TBC1D5: variants seen among roughly 807,000 people sequenced by gnomAD.
The protein encoded by TBC1D5 is TBC1 domain family member 5.
TBC1D5 carries 75 observed loss-of-function variants against 100.3 expected under a neutral mutation model. That is an observed-to-expected ratio of 0.75 (90% CI 0.62 to 0.91). TBC1D5 has a LOEUF of 0.91. Among genes scored for constraint, TBC1D5 ranks in the 40% least tolerant of loss-of-function variants. TBC1D5 has a pLI of 0.00. For synonymous variants in TBC1D5, 323 were observed against 325.6 expected, an observed-to-expected ratio of 0.99 and a Z score of 0.09; for missense variants, 910 against 942.4, an observed-to-expected ratio of 0.97 and a Z score of 0.45.
At chr3:17,185,251 T>A in intron 18 of TBC1D5, 43 bp from the exon 20 acceptor site, 1 of 1,536,998 alleles carries the variant, frequency 6.5e-7, no homozygotes. Context: ...TTAGAGATTG[T>A]CAAATAAAAT....
chr3:17,711,113 T>C (rs2074690698), intron 1 of TBC1D5, among the ~76,000 whole-genome samples: 2 of 152,304 alleles, frequency 1.3e-5, no homozygotes, highest in East Asian at 1.9e-4. Context: ...AAAATGATAC[T>C]AGAGTTTGGC....
exon 22 of TBC1D5, chr3:17,158,344 A>AAAC (rs1291540599): frequency 6.6e-6 from 1 of 152,198 alleles, no homozygotes; most frequent in Non-Finnish European, 1.5e-5. Flanking sequence ...TTTGTTAACA[A>AAAC]AACACAATAT....
intron 1 of TBC1D5, among the ~76,000 whole-genome samples, chr3:17,659,244 A>G (rs2066416319): frequency 6.6e-6 from 1 of 152,210 alleles, no homozygotes; most frequent in African/African-American, 2.4e-5. Flanking sequence ...ACATGGATCT[A>G]TGTGCTCACA....
chr3:17,444,623 G>A (rs1378513137), intron 3 of TBC1D5, among the ~76,000 whole-genome samples: 1 of 151,830 alleles, frequency 6.6e-6, no homozygotes, highest in Non-Finnish European at 1.5e-5. Context: ...TGATCAAAAA[G>A]TATTAACAAA....
chr3:17,339,033 A>C (rs989636294), intron 13 of TBC1D5, among the ~76,000 whole-genome samples: 1 of 152,340 alleles, frequency 6.6e-6, no homozygotes, highest in South Asian at 2.1e-4. Flanking sequence ...GGTGGCAAGC[A>C]GTTAATTCAT....
At chr3:17,384,821 T>G (rs1559771346) in intron 8 of TBC1D5, among the ~76,000 whole-genome samples, 1 of 151,866 alleles carries the variant, frequency 6.6e-6, no homozygotes, top group East Asian at 1.9e-4. Context: ...AGCAGGACAG[T>G]GGGATAGAAG....
chr3:17,166,968 TGA>T (rs893129914), intron 20 of TBC1D5, 40 bp from the exon 22 acceptor site: 24 of 1,556,822 alleles, frequency 1.5e-5, no homozygotes, highest in Non-Finnish European at 2.0e-5. Context: ...AAAAAATGGA[TGA>T]GTTTGTTTTC....
chr3:17,370,951 T>C (rs1382617023), intron 13 of TBC1D5, among the ~76,000 whole-genome samples: 3 of 152,310 alleles, frequency 2.0e-5, no homozygotes, highest in African/African-American at 7.2e-5. Flanking sequence ...TACATATAAA[T>C]GTTCTACTAT....
chr3:17,235,846 G>T (rs1336805889), intron 17 of TBC1D5, among the ~76,000 whole-genome samples: 3 of 151,886 alleles, frequency 2.0e-5, no homozygotes, highest in Admixed American at 6.6e-5. Flanking sequence ...CCATACCTTT[G>T]TGAGGGAAGG....
chr3:17,740,714 GA>G (rs2077357687), exon 1 of TBC1D5: 1 of 152,186 alleles, frequency 6.6e-6, no homozygotes, highest in East Asian at 1.9e-4. Context: ...CTACTCAACT[GA>G]GGCCGCATTT....
At chr3:17,615,988 G>A (rs750658988) in intron 2 of TBC1D5, among the ~76,000 whole-genome samples, 3 of 151,932 alleles carry the variant, frequency 2.0e-5, no homozygotes, top group Admixed American at 6.6e-5. Context: ...TTAGGGTGTC[G>A]ATTTCAGATC....
At position 17,160,853 on chromosome 3, in the gene TBC1D5, C is replaced by A. The variant is rs140457490; in HGVS notation, c.*110G>T. On this transcript the variant is annotated 3_prime_UTR_variant, in exon 22 of 22. Coordinates refer to ENST00000253692, the Ensembl canonical transcript of TBC1D5. ...GGCTGGACCAATGCAAAATGCATGC[C>A]GGGAAGGAAGCAGTGGTTTAAGAAG... 30 of 1,360,040 alleles carry A rather than the reference C, an allele frequency of 2.2e-5. No individual in the cohort carries two copies. The African/African-American group carries it at 3.4e-4, about 15-fold the overall frequency. The allele number at this position is 1,360,040 out of a possible 1,614,324, so 84.2% of individuals were successfully genotyped here.
chr3:17,436,432 T>C (rs2094536706), intron 3 of TBC1D5, among the ~76,000 whole-genome samples: 1 of 152,188 alleles, frequency 6.6e-6, no homozygotes, highest in Admixed American at 6.5e-5. Flanking sequence ...GGCTACTAGT[T>C]CTACACAAGG....
At chr3:17,652,522 T>C (rs2065673926) in intron 1 of TBC1D5, among the ~76,000 whole-genome samples, 1 of 152,144 alleles carries the variant, frequency 6.6e-6, no homozygotes, top group South Asian at 2.1e-4. Flanking sequence ...AAAATGCATA[T>C]AACTTAAAAT....
chr3:17,412,908 T>C (rs900653323), intron 4 of TBC1D5, among the ~76,000 whole-genome samples: 1 of 152,112 alleles, frequency 6.6e-6, no homozygotes, highest in Non-Finnish European at 1.5e-5. Flanking sequence ...CAAGGCAATA[T>C]AGAAATATAC....
At chr3:17,606,385 G>A (rs1165791743) in intron 2 of TBC1D5, among the ~76,000 whole-genome samples, 1 of 152,176 alleles carries the variant, frequency 6.6e-6, no homozygotes, top group Non-Finnish European at 1.5e-5. Context: ...AGGAATGCGA[G>A]GCTGCAGTGA....
chr3:17,585,168 A>G (rs372992009), intron 2 of TBC1D5, among the ~76,000 whole-genome samples: 1 of 152,218 alleles, frequency 6.6e-6, no homozygotes, highest in Admixed American at 6.5e-5. Context: ...TTATTTTTAT[A>G]CATCAGGAAA....
chr3:17,189,865 G>A (rs2069646142), intron 18 of TBC1D5, among the ~76,000 whole-genome samples: 1 of 152,098 alleles, frequency 6.6e-6, no homozygotes, highest in Non-Finnish European at 1.5e-5. Context: ...TTATTAAATT[G>A]TTTTCCTTCA....
chr3:17,428,403 GTGTGTGTGTA>G (rs1331765157), intron 4 of TBC1D5, 37 bp downstream of exon 4: 7 of 486,224 alleles, frequency 1.4e-5, no homozygotes, highest in Non-Finnish European at 2.1e-5. Context: ...ATATGTGTGT[GTGTGTGTGTA>G]TATATATATA....
Sources: allele counts gnomAD v4.1 joint callset (sites outside exome capture counted in the v4.1 genomes callset), GRCh38; gene constraint gnomAD v4.1.1; transcripts MANE v1.5; gene names NCBI Gene and HGNC (gene_info 2026-07-23, HGNC 2026-07-21).